Variants in TP53BP1 observed in about 807,000 individuals in gnomAD.
TP53BP1 encodes tumor protein p53 binding protein 1.
A neutral mutation model predicts 200.8 loss-of-function variants in TP53BP1; 61 were observed. The observed-to-expected ratio is 0.30, with a 90% CI of 0.25 to 0.38. TP53BP1 has a LOEUF of 0.38. Among genes scored for constraint, TP53BP1 ranks in the 10% least tolerant of loss-of-function variants. The pLI is 1.00. For synonymous variants in TP53BP1, 822 were observed against 844.3 expected (o/e 0.97, Z 0.46); for missense variants, 2,144 against 2,371.9 (o/e 0.90, Z 2.00).
At position 43,406,224 on chromosome 15, in the gene TP53BP1, A is replaced by T. The variant is rs572012056; in HGVS notation, c.*1159T>A. On this transcript the variant is annotated 3_prime_UTR_variant, in exon 28 of 28. Coordinates refer to ENST00000382044, the MANE Select transcript of TP53BP1 (RefSeq NM_001141980.3). ...CAGCCATCACTGGTAATCAATATTC[A>T]TATCAGTGTAAGTAAAAAGAAATAT... is the stretch of plus-strand genomic sequence containing the variant. 3 of 172,940 alleles carry T rather than the reference A, an allele frequency of 1.7e-5. No individual in the cohort carries two copies. Among genetic ancestry groups the T allele is most frequent in the African/African-American group, 4.8e-5 (2 of 41,982 alleles). The allele number at this position is 172,940 out of a possible 1,614,324, so 10.7% of individuals were successfully genotyped here.
At chr15:43,459,512 G>T (rs2046380559) in intron 11 of TP53BP1, among the ~76,000 whole-genome samples, 1 of 151,886 alleles carries the variant, frequency 6.6e-6, no homozygotes, top group Non-Finnish European at 1.5e-5. Flanking sequence ...ACAAATTGTG[G>T]ATACACATAT....
chr15:43,435,267 C>CAAAAAAAAAAAAAAAA (rs377275791), intron 16 of TP53BP1, among the ~76,000 whole-genome samples: 1 of 55,698 alleles, frequency 1.8e-5, no homozygotes, highest in Non-Finnish European at 2.9e-5. Flanking sequence ...GACCCCATCT[C>CAAAAAAAAAAAAAAAA]AAAAAAAAAA....
At chr15:43,493,204 G>A, upstream of TP53BP1, 4 of 1,454,490 alleles carry the variant, frequency 2.8e-6, no homozygotes, top group East Asian at 5.1e-5. Context: ...ATTCGCTGCC[G>A]CCGCCCGCCA....
chr15:43,509,193 G>T (rs1441063101), intron 1 of TP53BP1, among the ~76,000 whole-genome samples: 1 of 106,712 alleles, frequency 9.4e-6, no homozygotes, highest in South Asian at 4.8e-4. Context: ...ACAAACGGGG[G>T]GGGGGGGGGC....
At chr15:43,503,959 T>C (rs1038923754) in intron 1 of TP53BP1, among the ~76,000 whole-genome samples, 3 of 152,300 alleles carry the variant, frequency 2.0e-5, no homozygotes, top group Non-Finnish European at 4.4e-5. Flanking sequence ...TACACTGTAT[T>C]AGTTATTACA....
chr15:43,504,303 G>A (rs750327390), intron 1 of TP53BP1, among the ~76,000 whole-genome samples: 1 of 152,140 alleles, frequency 6.6e-6, no homozygotes, highest in Non-Finnish European at 1.5e-5. Context: ...GTGACCCACC[G>A]TGCCTGGCCA....
At chr15:43,463,754 A>C (rs1441145326) in intron 11 of TP53BP1, among the ~76,000 whole-genome samples, 1 of 152,160 alleles carries the variant, frequency 6.6e-6, no homozygotes, top group African/African-American at 2.4e-5. Flanking sequence ...CAACACCCAT[A>C]ATCTCACCCT....
intron 4 of TP53BP1, among the ~76,000 whole-genome samples, chr15:43,481,368 C>A (rs1458443968): frequency 6.6e-6 from 1 of 151,826 alleles, no homozygotes; most frequent in Non-Finnish European, 1.5e-5. Context: ...TAAAAGTTCA[C>A]AGAAGTATTT....
At chr15:43,444,250 ACT>A (rs1044956058) in intron 14 of TP53BP1, among the ~76,000 whole-genome samples, 5 of 151,900 alleles carry the variant, frequency 3.3e-5, no homozygotes, top group African/African-American at 4.8e-5. Context: ...GCTATCACAT[ACT>A]CTCTCTCTTG....
chr15:43,459,663 T>C (rs1295206697), intron 11 of TP53BP1, among the ~76,000 whole-genome samples: 1 of 151,828 alleles, frequency 6.6e-6, no homozygotes, highest in African/African-American at 2.4e-5. Flanking sequence ...TGAAATTCTT[T>C]TTTTTCTTTT....
In TP53BP1 at chr15:43,474,613, G is replaced by A. The variant is rs1210043561; in HGVS notation, c.1180+60C>T. On this transcript the variant is annotated intron_variant, in intron 10 of 27. Transcript: ENST00000382044. The stretch of plus-strand genomic sequence containing the variant: ...ACAAAGAAGTAGTACATTTTGCAAG[G>A]CAGAAAAAGTGTTGCTCCTCTTCTA... 5.1e-6 allele frequency: 6 copies of A among 1,187,752 alleles called. No homozygotes were observed. In the East Asian group the frequency reaches 9.4e-5, roughly 19 times the overall value. 73.6% of individuals were successfully genotyped at this position (1,187,752 alleles called of 1,614,324 possible). A position where few individuals can be genotyped will look rare whatever the true frequency, so the allele number is the denominator to read the frequency against.
At chr15:43,427,194 C>T (rs542898) in intron 18 of TP53BP1, among the ~76,000 whole-genome samples, 70,537 of 151,976 alleles carry the variant, frequency 0.46, 21,397 homozygotes, top group African/African-American at 0.87. Context: ...AGATAACAAA[C>T]AGTCACTAAA....
chr15:43,432,118 T>C (rs756647036), intron 17 of TP53BP1, 76 bp downstream of exon 17: 149 of 1,535,252 alleles, frequency 9.7e-5, no homozygotes, highest in Non-Finnish European at 1.2e-4. Flanking sequence ...TAGGCAGACA[T>C]GCCACAACTT....
Position 43,493,105 on chromosome 15 carries a change from G to A in TP53BP1, c.-62C>T, listed in dbSNP as rs533336230. On this transcript the variant is annotated 5_prime_UTR_variant, in exon 1 of 28. Transcript: ENST00000382044. Reference sequence around the variant, plus strand: ...TCTGCACGCTCCCCAAGTCCCTCCAGATCGATCCCTAGGTCGCCGCTGTCG... The same window carrying A: ...TCTGCACGCTCCCCAAGTCCCTCCAAATCGATCCCTAGGTCGCCGCTGTCG... 43 of 1,606,030 alleles carry A rather than the reference G, an allele frequency of 2.7e-5. No homozygotes were observed. The highest frequency in any genetic ancestry group is 3.3e-5 in the Non-Finnish European group (39 of 1,177,880).
intron 20 of TP53BP1, 71 bp from the exon 21 acceptor site, chr15:43,420,806 C>T: frequency 1.4e-6 from 2 of 1,433,698 alleles, no homozygotes; most frequent in Non-Finnish European, 1.9e-6. Flanking sequence ...ACCAATTTTT[C>T]CACTCCTTTG....
Position 43,477,772 on chromosome 15 carries a change from T to C in TP53BP1, c.789-13A>G. 1 of 1,520,346 alleles carries C rather than the reference T, an allele frequency of 6.6e-7. No homozygotes were observed. Among genetic ancestry groups the C allele is most frequent in the Non-Finnish European group, 8.8e-7 (1 of 1,134,910 alleles). 94.2% of individuals were successfully genotyped at this position (1,520,346 alleles called of 1,614,324 possible). A position where few individuals can be genotyped will look rare whatever the true frequency, so the allele number is the denominator to read the frequency against. On this transcript the variant is annotated splice_polypyrimidine_tract_variant and intron_variant, in intron 7 of 27. Transcript: ENST00000382044. ...CATGTCCTCTGACCTAGGAAATTCA[T>C]ATCACCAGGAGAAAAAGTTCCTAAG...
rs996030200 is a variant in TP53BP1 at position 43,406,939 on chromosome 15, CAG to C, written c.*442_*443del. ...GAGGTCTTTTTTAACTGTCAGGAAA[CAG>C]AGCTGTGCCCAATTCCACTCAACTT... On this transcript the variant is annotated 3_prime_UTR_variant, in exon 28 of 28. Transcript: ENST00000382044. The C allele has an allele frequency of 1.6e-5, 4 of 242,730 alleles. No individual in the cohort carries two copies. The highest frequency in any genetic ancestry group is 2.1e-4 in the East Asian group (2 of 9,494). The allele number at this position is 242,730 out of a possible 1,614,324, so 15.0% of individuals were successfully genotyped here.
intron 4 of TP53BP1, among the ~76,000 whole-genome samples, chr15:43,486,291 G>T (rs572621137): frequency 5.1e-4 from 78 of 152,224 alleles, no homozygotes; most frequent in African/African-American, 1.9e-3. Context: ...CAGGAGAATC[G>T]CTTGAACCCA....
intron 4 of TP53BP1, among the ~76,000 whole-genome samples, chr15:43,482,685 T>C (rs959404234): frequency 4.6e-5 from 7 of 152,190 alleles, no homozygotes; most frequent in Middle Eastern, 3.4e-3. Flanking sequence ...GGAGAATTGC[T>C]TGAACCTGGG....
Sources: allele counts gnomAD v4.1 joint callset (sites outside exome capture counted in the v4.1 genomes callset), GRCh38; gene constraint gnomAD v4.1.1; transcripts MANE v1.5; gene names NCBI Gene and HGNC (gene_info 2026-07-23, HGNC 2026-07-21).